The following IPMK variants were observed in gnomAD, a reference collection of about 807,000 sequenced individuals.
IPMK encodes inositol 1,3,4,6-tetrakisphosphate 5-kinase.
In IPMK, 17 loss-of-function variants were observed where a neutral mutation model predicts 45.8. The ratio of observed to expected loss-of-function variants is 0.37; its 90% confidence interval spans 0.25 to 0.56. The LOEUF (loss-of-function observed/expected upper bound fraction) is 0.56, where lower values mean the gene tolerates loss of function less well. Ranked by LOEUF, IPMK falls within the 20% of genes least tolerant of loss-of-function variation. The pLI, the probability that IPMK is intolerant of heterozygous loss-of-function variation, is 0.79. For synonymous variants in IPMK, 180 were observed against 184.3 expected, an observed-to-expected ratio of 0.98 and a Z score of 0.19; for missense variants, 399 against 498.0, an observed-to-expected ratio of 0.80 and a Z score of 1.89.
In IPMK at chr10:58,227,134, A is replaced by G. The variant is rs1384881571; in HGVS notation, c.282T>C (p.Tyr94=). ...PRELEFYNMV[Y]AADCFDGVLL... is the part of the protein sequence containing the mutation. ...GAACACCATCAAAACAGTCAGCAGC[A>G]TAAACCTGAAACAGAGAAATATAAC... The change falls in exon 3 of 6, where the codon TAT becomes TAC. Residue 94 remains tyrosine (Y), a synonymous_variant. Coordinates refer to ENST00000373935, the MANE Select transcript of IPMK (RefSeq NM_152230.5). The G allele has an allele frequency of 6.2e-7, 1 of 1,610,580 alleles. No individual in the cohort carries two copies. The highest frequency in any genetic ancestry group is 1.3e-5 in the African/African-American group (1 of 74,974).
chr10:58,196,889 G>T (rs2893768), intron 5 of IPMK, among the ~76,000 whole-genome samples, 191 bp from the exon 6 acceptor site: 1,985 of 152,186 alleles, frequency 0.013, 33 homozygotes, highest in African/African-American at 0.045. Context: ...TGGTGAAGAT[G>T]CTCTTATTAG....
chr10:58,210,373 G>A (rs775850000), intron 4 of IPMK, among the ~76,000 whole-genome samples: 22 of 152,102 alleles, frequency 1.4e-4, no homozygotes, highest in Non-Finnish European at 1.6e-4. Context: ...AGCAAGCATG[G>A]CTTTCAGGCT....
chr10:58,202,568 G>A (rs976142372), intron 4 of IPMK, among the ~76,000 whole-genome samples: 10 of 152,140 alleles, frequency 6.6e-5, no homozygotes, highest in African/African-American at 2.4e-4. Flanking sequence ...GAGAGGCTGA[G>A]GTGGGAGGAC....
At chr10:58,249,022 C>A (rs1025741632) in intron 1 of IPMK, among the ~76,000 whole-genome samples, 1 of 152,148 alleles carries the variant, frequency 6.6e-6, no homozygotes, top group African/African-American at 2.4e-5. Flanking sequence ...CTTCAACATA[C>A]TGATTTCTTT....
chr10:58,266,628 A>G (rs753849819), intron 1 of IPMK, among the ~76,000 whole-genome samples: 47 of 152,224 alleles, frequency 3.1e-4, no homozygotes, highest in Non-Finnish European at 5.6e-4. Flanking sequence ...TTACCCCAGT[A>G]ATCATGGCCC....
chr10:58,248,946 GTAGGTTGATTC>G (rs1166969913), intron 1 of IPMK, among the ~76,000 whole-genome samples: 1 of 152,064 alleles, frequency 6.6e-6, no homozygotes, highest in Non-Finnish European at 1.5e-5. Flanking sequence ...TTGTGGACAC[GTAGGTTGATTC>G]TATATCTTGG....
intron 5 of IPMK, among the ~76,000 whole-genome samples, chr10:58,198,104 A>G (rs1837936537): frequency 6.6e-6 from 1 of 152,212 alleles, no homozygotes; most frequent in South Asian, 2.1e-4. Context: ...TAAAACCTAG[A>G]GTCAAATTTA....
intron 3 of IPMK, among the ~76,000 whole-genome samples, chr10:58,220,230 G>A (rs1295089729): frequency 6.6e-6 from 1 of 152,074 alleles, no homozygotes. Flanking sequence ...GAGGAGAGAA[G>A]AGGAAGGGTT....
intron 1 of IPMK, among the ~76,000 whole-genome samples, chr10:58,247,385 G>A (rs1838817591): frequency 6.6e-6 from 1 of 151,342 alleles, no homozygotes; most frequent in African/African-American, 2.5e-5. Flanking sequence ...ATTCACAATA[G>A]CAAAGACTTG....
intron 1 of IPMK, among the ~76,000 whole-genome samples, chr10:58,238,512 C>T (rs1207114706): frequency 6.6e-6 from 1 of 152,158 alleles, no homozygotes; most frequent in East Asian, 1.9e-4. Context: ...ATTTATACGT[C>T]AAAATCTTAA....
intron 2 of IPMK, among the ~76,000 whole-genome samples, chr10:58,234,673 G>T (rs1838580864): frequency 6.6e-6 from 1 of 152,132 alleles, no homozygotes; most frequent in South Asian, 2.1e-4. Context: ...ATTCAAGATG[G>T]ATTAAAAACT....
At chr10:58,213,411 G>A (rs948082115) in intron 4 of IPMK, among the ~76,000 whole-genome samples, 2 of 152,202 alleles carry the variant, frequency 1.3e-5, no homozygotes, top group Admixed American at 6.5e-5. Context: ...GAGGCTGGGC[G>A]CGGTGGCTCA....
At chr10:58,262,760 G>A (rs898555142) in intron 1 of IPMK, among the ~76,000 whole-genome samples, 1 of 152,198 alleles carries the variant, frequency 6.6e-6, no homozygotes, top group Non-Finnish European at 1.5e-5. Flanking sequence ...AAAACATTGA[G>A]ATGTGATTAA....
At chr10:58,267,300 G>A in intron 1 of IPMK, 122 bp downstream of exon 1, 1 of 908,090 alleles carries the variant, frequency 1.1e-6, no homozygotes, top group Non-Finnish European at 1.7e-6. Context: ...GAAGAGGCCA[G>A]GGATTTGGCG....
intron 5 of IPMK, among the ~76,000 whole-genome samples, chr10:58,197,067 A>G (rs190251743): frequency 0.011 from 1,491 of 141,750 alleles, 19 homozygotes; most frequent in Middle Eastern, 0.033. Flanking sequence ...TTGGGAGGCC[A>G]AGGCGGGCGG....
At chr10:58,223,264 ATT>A (rs959004748) in intron 3 of IPMK, among the ~76,000 whole-genome samples, 9 of 152,178 alleles carry the variant, frequency 5.9e-5, no homozygotes, top group African/African-American at 2.2e-4. Flanking sequence ...AAATATACAT[ATT>A]GTTTTATAAG....
At chr10:58,237,942 T>G in intron 1 of IPMK, 128 bp from the exon 2 acceptor site, 2 of 663,274 alleles carry the variant, frequency 3.0e-6, no homozygotes, top group Non-Finnish European at 5.2e-6. Context: ...TTTTACTTAT[T>G]TCAGAAATTT....
intron 1 of IPMK, 101 bp downstream of exon 1, chr10:58,267,321 G>T: frequency 1.7e-6 from 2 of 1,167,142 alleles, no homozygotes; most frequent in Non-Finnish European, 2.5e-6. Flanking sequence ...TGCACACCAG[G>T]GGGGCGTCCA....
intron 1 of IPMK, 119 bp from the exon 2 acceptor site, chr10:58,237,933 T>C: frequency 1.4e-6 from 1 of 697,708 alleles, no homozygotes; most frequent in Non-Finnish European, 2.5e-6. Context: ...AGGGTTTACT[T>C]TTACTTATTT....
Sources: allele counts gnomAD v4.1 joint callset (sites outside exome capture counted in the v4.1 genomes callset), GRCh38; gene constraint gnomAD v4.1.1; transcripts MANE v1.5; gene names NCBI Gene and HGNC (gene_info 2026-07-23, HGNC 2026-07-21).